Variants in ATRN observed in about 807,000 individuals in gnomAD.
The protein encoded by ATRN is attractin.
Under a neutral mutation model 178.7 loss-of-function variants are expected in ATRN, and 54 were observed. The ratio of observed to expected loss-of-function variants is 0.30; its 90% CI spans 0.24 to 0.38. ATRN has a LOEUF of 0.38. ATRN is among the 10% of genes least tolerant of loss of function. The pLI is 1.00. For missense variants in ATRN, 1,443 were observed against 1,815.1 expected, an observed-to-expected ratio of 0.79 and a Z score of 3.73; for synonymous variants, 636 against 663.0, an observed-to-expected ratio of 0.96 and a Z score of 0.63.
chr20:3,479,528 A>T (rs192212526), intron 1 of ATRN, among the ~76,000 whole-genome samples: 1 of 152,240 alleles, frequency 6.6e-6, no homozygotes, highest in Non-Finnish European at 1.5e-5. Context: ...GGAGAAAGAC[A>T]TTCCAGAAGG....
chr20:3,615,407 C>T (rs564232533), intron 24 of ATRN, among the ~76,000 whole-genome samples: 1 of 146,548 alleles, frequency 6.8e-6, no homozygotes, highest in Non-Finnish European at 1.5e-5. Context: ...GCAGCCTGAG[C>T]GACAGAGCAA....
rs200377516 is a variant in ATRN, at chr20:3,606,845, CT to C, written c.3801+2587del. 1.7e-3 allele frequency among the ~76,000 whole-genome samples: 266 copies of C among 152,262 alleles called. 7 individuals carry two copies. In the East Asian group the frequency reaches 0.047, roughly 27 times the overall value. On this transcript the variant is annotated intron_variant, in intron 24 of 28. Transcript: ENST00000262919. ...TGGTTTTGATATCATGTTAAACTAACTTTTAATAATTATAATTTGAGGAGTT... is the reference window on the plus strand; with the variant it reads ...TGGTTTTGATATCATGTTAAACTAACTTTAATAATTATAATTTGAGGAGTT...
intron 6 of ATRN, among the ~76,000 whole-genome samples, chr20:3,552,576 C>T (rs1010353699): frequency 6.6e-6 from 1 of 152,192 alleles, no homozygotes; most frequent in African/African-American, 2.4e-5. Flanking sequence ...ACAAACTTAG[C>T]ACCTTAAAAC....
intron 24 of ATRN, among the ~76,000 whole-genome samples, chr20:3,606,749 A>G (rs577554381): frequency 2.6e-5 from 4 of 152,322 alleles, no homozygotes; most frequent in African/African-American, 9.6e-5. Flanking sequence ...GTTTGCTAAT[A>G]TTTTGGTTAG....
At chr20:3,486,056 G>A (rs771467942) in intron 1 of ATRN, among the ~76,000 whole-genome samples, 2 of 152,106 alleles carry the variant, frequency 1.3e-5, no homozygotes, top group Non-Finnish European at 2.9e-5. Flanking sequence ...TTTTCTTTGA[G>A]CAATTTGAAT....
At chr20:3,610,805 C>T (rs1480670098) in intron 24 of ATRN, among the ~76,000 whole-genome samples, 1 of 120,378 alleles carries the variant, frequency 8.3e-6, no homozygotes, top group African/African-American at 3.3e-5. Context: ...CTAGTCTGGT[C>T]TCAAACTCTC....
At chr20:3,607,288 G>T (rs915101129) in intron 24 of ATRN, among the ~76,000 whole-genome samples, 1 of 152,100 alleles carries the variant, frequency 6.6e-6, no homozygotes, top group Admixed American at 6.5e-5. Flanking sequence ...TAATGAATAA[G>T]TTATTGCTAA....
intron 1 of ATRN, among the ~76,000 whole-genome samples, chr20:3,475,632 C>T (rs993191588): frequency 6.6e-5 from 10 of 151,960 alleles, no homozygotes; most frequent in African/African-American, 2.4e-5. Context: ...AATTTTTCTT[C>T]GAAGGATAAA....
At chr20:3,526,093 A>G (rs2085360712) in intron 1 of ATRN, among the ~76,000 whole-genome samples, 1 of 152,200 alleles carries the variant, frequency 6.6e-6, no homozygotes, top group South Asian at 2.1e-4. Context: ...TCAAGTAGGA[A>G]GAGAGAAAGT....
At chr20:3,576,812 T>C in intron 13 of ATRN, 47 bp from the exon 14 acceptor site, 1 of 1,603,292 alleles carries the variant, frequency 6.2e-7, no homozygotes, top group Non-Finnish European at 8.5e-7. Flanking sequence ...TCACCATAAG[T>C]TCTCTCTGTG....
chr20:3,542,497 T>A (rs1223231048), intron 3 of ATRN, among the ~76,000 whole-genome samples: 1 of 151,404 alleles, frequency 6.6e-6, no homozygotes, highest in African/African-American at 2.4e-5. Flanking sequence ...TTAGGAAAGT[T>A]ATATGCTGGT....
intron 1 of ATRN, among the ~76,000 whole-genome samples, chr20:3,527,946 C>G (rs1050263701): frequency 5.3e-5 from 8 of 152,034 alleles, no homozygotes; most frequent in African/African-American, 1.9e-4. Context: ...GGAGGGACAG[C>G]ATTAGGAGAA....
intron 1 of ATRN, among the ~76,000 whole-genome samples, chr20:3,526,217 T>C (rs376600194): frequency 9.9e-5 from 15 of 152,154 alleles, no homozygotes; most frequent in East Asian, 7.7e-4. Flanking sequence ...GGATACAAAA[T>C]CAGTGTGCAA....
intron 24 of ATRN, among the ~76,000 whole-genome samples, chr20:3,616,357 C>A (rs891562623): frequency 6.6e-6 from 1 of 152,158 alleles, no homozygotes; most frequent in African/African-American, 2.4e-5. Flanking sequence ...ACAGCAGGCA[C>A]CTCGTTAGAA....
intron 1 of ATRN, among the ~76,000 whole-genome samples, chr20:3,498,735 A>G (rs905095318): frequency 4.1e-4 from 63 of 151,816 alleles, no homozygotes; most frequent in Non-Finnish European, 7.7e-4. Flanking sequence ...CATACTGAAT[A>G]GGCAAAAACT....
At chr20:3,536,290 C>T (rs1410014421) in intron 2 of ATRN, among the ~76,000 whole-genome samples, 1 of 152,096 alleles carries the variant, frequency 6.6e-6, no homozygotes, top group Admixed American at 6.6e-5. Context: ...CTCACTGCAA[C>T]GTCTGCCTCC....
intron 24 of ATRN, among the ~76,000 whole-genome samples, chr20:3,607,383 C>T (rs2086689843): frequency 6.6e-6 from 1 of 152,108 alleles, no homozygotes; most frequent in Non-Finnish European, 1.5e-5. Context: ...CCTCTATCTC[C>T]CCAGCCCCCC....
Position 3,540,205 on chromosome 20 carries a change from T to A in ATRN, c.495-17T>A. 6.9e-7 allele frequency: 1 copy of A among 1,444,736 alleles called. No homozygotes were observed. The highest frequency in any genetic ancestry group is 9.5e-7 in the Non-Finnish European group (1 of 1,051,458). 89.5% of individuals were successfully genotyped at this position (1,444,736 alleles called of 1,614,324 possible). A position where few individuals can be genotyped will look rare whatever the true frequency, so the allele number is the denominator to read the frequency against. On this transcript the variant is annotated splice_polypyrimidine_tract_variant and intron_variant, in intron 2 of 28. Coordinates refer to ENST00000262919, the MANE Select transcript of ATRN (RefSeq NM_139321.3). ...TGTGATAACTTTATTATAAATTACT[T>A]TTTTTATTCTTTTCAGGCCAAATAG...
At chr20:3,628,821 T>C in intron 25 of ATRN, 3 of 907,758 alleles carry the variant, frequency 3.3e-6, no homozygotes, top group South Asian at 5.1e-5. Flanking sequence ...CTCTGACCCA[T>C]GCTGCCCTAC....
Sources: allele counts gnomAD v4.1 joint callset (sites outside exome capture counted in the v4.1 genomes callset), GRCh38; gene constraint gnomAD v4.1.1; transcripts MANE v1.5; gene names NCBI Gene and HGNC (gene_info 2026-07-23, HGNC 2026-07-21).